The following CPT1A variants were observed in gnomAD, a reference collection of about 807,000 sequenced individuals.
CPT1A encodes carnitine O-palmitoyltransferase 1, liver isoform.
A neutral mutation model predicts 100.8 loss-of-function variants in CPT1A; 64 were observed. The ratio of observed to expected loss-of-function variants is 0.63; its 90% CI spans 0.52 to 0.78. CPT1A has a LOEUF of 0.78. Among genes scored for constraint, CPT1A ranks in the 30% least tolerant of loss-of-function variants. The probability of loss-of-function intolerance (pLI) is 0.00; values close to 1 mark genes in which losing one functional copy is unlikely to be tolerated. For missense variants in CPT1A, 802 were observed against 1,034.1 expected (o/e 0.78, Z 3.08); for synonymous variants, 363 against 396.0 (o/e 0.92, Z 0.99).
At chr11:68,797,061 GC>G in intron 6 of CPT1A, 128 bp from the exon 7 acceptor site, 1 of 809,980 alleles carries the variant, frequency 1.2e-6, no homozygotes. Flanking sequence ...TCTAACAGGG[GC>G]CATTCCAGAA....
In CPT1A at chr11:68,841,711, C is replaced by T; in HGVS notation, c.-14+64G>A. 1.1e-6 allele frequency: 1 copy of T among 880,932 alleles called. No individual in the cohort carries two copies. The highest frequency in any genetic ancestry group is 1.4e-6 in the Non-Finnish European group (1 of 734,186). 54.6% of individuals were successfully genotyped at this position (880,932 alleles called of 1,614,324 possible). On this transcript the variant is annotated intron_variant, in intron 1 of 18. Coordinates refer to ENST00000265641, the MANE Select transcript of CPT1A (RefSeq NM_001876.4). This position sits in a 1 kb window ranked among gnomAD's most constrained non-coding sequence, Gnocchi z 6.3. The stretch of plus-strand genomic sequence containing the variant: ...CCGGCAGCCCCGCGCCCCGCCCGTC[C>T]CCGGCCCCCGCAGCCCGCAGGGCCG...
chr11:68,780,536 G>A (rs1384070688), intron 12 of CPT1A, 104 bp downstream of exon 12: 37 of 947,226 alleles, frequency 3.9e-5, no homozygotes, highest in Admixed American at 5.7e-5. Context: ...TGCCCGCCTC[G>A]GCCTCCCAAA....
At chr11:68,763,314 C>A (rs546324110) in intron 14 of CPT1A, among the ~76,000 whole-genome samples, 93 of 151,686 alleles carry the variant, frequency 6.1e-4, no homozygotes, top group Admixed American at 5.0e-3. Flanking sequence ...ACACCCCCCC[C>A]ACCCCCGAGT....
intron 4 of CPT1A, among the ~76,000 whole-genome samples, chr11:68,804,682 T>C (rs892727889): frequency 2.6e-5 from 4 of 152,240 alleles, no homozygotes; most frequent in Non-Finnish European, 5.9e-5. Flanking sequence ...GCGTCGTGAC[T>C]GGCCAGGACC....
intron 11 of CPT1A, 143 bp from the exon 12 acceptor site, chr11:68,780,888 G>C (rs972484774): frequency 1.4e-6 from 1 of 704,860 alleles, no homozygotes; most frequent in Non-Finnish European, 2.6e-6. Flanking sequence ...AGTCTCTGTG[G>C]AGTGAGGGTG....
intron 3 of CPT1A, among the ~76,000 whole-genome samples, 159 bp from the exon 4 acceptor site, chr11:68,807,797 T>C (rs996905688): frequency 4.6e-5 from 7 of 152,084 alleles, no homozygotes; most frequent in African/African-American, 1.7e-4. Context: ...GGAACTGAGC[T>C]CTTAAAACAC....
chr11:68,802,840 T>G (rs1221513893), intron 5 of CPT1A, among the ~76,000 whole-genome samples: 1 of 135,374 alleles, frequency 7.4e-6, no homozygotes, highest in African/African-American at 2.8e-5. Flanking sequence ...GAGGCTGTGG[T>G]GAGCCAAGAT....
intron 1 of CPT1A, among the ~76,000 whole-genome samples, chr11:68,831,255 T>C (rs1856870113): frequency 6.6e-6 from 1 of 152,106 alleles, no homozygotes; most frequent in African/African-American, 2.4e-5. Flanking sequence ...CCTATGCCCT[T>C]TGAGCAAACC....
intron 1 of CPT1A, among the ~76,000 whole-genome samples, chr11:68,828,075 C>G (rs545151710): frequency 6.6e-6 from 1 of 152,178 alleles, no homozygotes; most frequent in Non-Finnish European, 1.5e-5. Context: ...TCGTGGGCAC[C>G]CCTGGCCTCT....
chr11:68,793,069 AAATC>A (rs1044077833), intron 9 of CPT1A, among the ~76,000 whole-genome samples: 4 of 112,728 alleles, frequency 3.5e-5, no homozygotes, highest in Non-Finnish European at 7.7e-5. Context: ...ATAAATAAAT[AAATC>A]AAACACTCTA....
intron 4 of CPT1A, among the ~76,000 whole-genome samples, chr11:68,806,220 C>G (rs4930249): frequency 0.92 from 139,317 of 152,032 alleles, 64,470 homozygotes; most frequent in Non-Finnish European, 0.98. Flanking sequence ...GTAGAGACGT[C>G]TTTTTGCCAT....
At chr11:68,819,087 C>CA (rs1555233108) in intron 1 of CPT1A, among the ~76,000 whole-genome samples, 2 of 151,244 alleles carry the variant, frequency 1.3e-5, no homozygotes, top group Non-Finnish European at 2.9e-5. Flanking sequence ...TCAAGGTTAA[C>CA]TTTTTTTTTG....
chr11:68,757,302 C>T lies in CPT1A; in HGVS notation c.*342G>A. The stretch of plus-strand genomic sequence containing the variant: ...AGGCCTTCGGTTGCCACTGAGAAAG[C>T]ACACCATTTCCATTCCACTGTGTGT... On this transcript the variant is annotated 3_prime_UTR_variant, in exon 19 of 19. Coordinates refer to ENST00000265641, the MANE Select transcript of CPT1A (RefSeq NM_001876.4). 1 of 1,180,312 alleles carries T rather than the reference C, an allele frequency of 8.5e-7. No individual in the cohort carries two copies. Among genetic ancestry groups the T allele is most frequent in the East Asian group, 5.2e-5 (1 of 19,350 alleles). 73.1% of individuals were successfully genotyped at this position (1,180,312 alleles called of 1,614,324 possible).
intron 1 of CPT1A, among the ~76,000 whole-genome samples, chr11:68,816,840 GGTGTGTGC>G (rs1412170985): frequency 1.4e-5 from 2 of 145,360 alleles, no homozygotes; most frequent in Non-Finnish European, 3.0e-5. Flanking sequence ...GTATGTGTGT[GGTGTGTGC>G]GTGTGTGGTG....
At chr11:68,827,351 A>G (rs763129708) in intron 1 of CPT1A, among the ~76,000 whole-genome samples, 48 of 152,070 alleles carry the variant, frequency 3.2e-4, no homozygotes, top group Non-Finnish European at 5.1e-4. Flanking sequence ...CACATACACA[A>G]GCTCCAGTGA....
downstream of CPT1A, chr11:68,754,645 T>C (rs1044074681): frequency 1.3e-4 from 79 of 610,482 alleles, no homozygotes; most frequent in Admixed American, 1.2e-4. Flanking sequence ...TTATTGAGCA[T>C]CTTTTATGTG....
At position 68,773,268 on chromosome 11, in the gene CPT1A, G is replaced by C. The variant is rs80356785; in HGVS notation, c.1737C>G (p.Tyr579Ter). ...FVQLALQLAH[Y>*]KDMGKFCLTY... ...ACCCTAGGCGGTCAGTTCTTACCTT[G>C]TAGTGCGCCAGCTGGAGGGCCAGCT... The change falls in exon 14 of 19, where the codon TAC becomes TAG. Residue 579 changes from tyrosine to a stop codon, truncating the protein, a stop_gained. Coordinates refer to ENST00000265641, the MANE Select transcript of CPT1A (RefSeq NM_001876.4). LOFTEE classifies it high-confidence loss of function. The C allele has an allele frequency of 6.2e-7, 1 of 1,614,080 alleles. No homozygotes were observed. Among genetic ancestry groups the C allele is most frequent in the South Asian group, 1.1e-5 (1 of 91,080 alleles).
intron 4 of CPT1A, among the ~76,000 whole-genome samples, chr11:68,804,453 T>C (rs1329715957): frequency 1.3e-5 from 2 of 152,036 alleles, no homozygotes; most frequent in East Asian, 1.9e-4. Flanking sequence ...CCAGGCATGG[T>C]GGCATGTGCC....
intron 1 of CPT1A, among the ~76,000 whole-genome samples, chr11:68,825,666 C>T (rs12290326): frequency 0.26 from 39,434 of 151,570 alleles, 6,206 homozygotes; most frequent in South Asian, 0.43. Flanking sequence ...CCCGCCTCCC[C>T]GAGTGCCCGC....
Sources: gnomAD v4.1 joint callset for allele counts (sites outside exome capture counted in the v4.1 genomes callset) on GRCh38, gnomAD v4.1.1 for gene constraint, Gnocchi (gnomAD v3.1) non-coding constraint, MANE v1.5 for transcripts, NCBI Gene and HGNC (gene_info 2026-07-23, HGNC 2026-07-21) for gene names.